Variants in SLC24A3 observed in about 807,000 individuals in gnomAD.
The protein encoded by SLC24A3 is sodium/potassium/calcium exchanger 3.
A neutral mutation model predicts 75.8 loss-of-function variants in SLC24A3; 28 were observed. The observed-to-expected ratio is 0.37, with a 90% CI of 0.27 to 0.51. The LOEUF (loss-of-function observed/expected upper bound fraction) is 0.51. SLC24A3 is among the 20% of genes least tolerant of loss of function. The pLI is 0.94. For synonymous variants in SLC24A3, 372 were observed against 334.1 expected, an observed-to-expected ratio of 1.11 and a Z score of -1.24; for missense variants, 663 against 847.8, an observed-to-expected ratio of 0.78 and a Z score of 2.71.
At chr20:19,687,892 C>T (rs943573610) in intron 12 of SLC24A3, among the ~76,000 whole-genome samples, 1 of 152,172 alleles carries the variant, frequency 6.6e-6, no homozygotes, top group Non-Finnish European at 1.5e-5. Context: ...CTTCCAGCCA[C>T]ACCTTCTGGG....
At chr20:19,352,447 C>T (rs6035304) in intron 2 of SLC24A3, among the ~76,000 whole-genome samples, 1,652 of 152,304 alleles carry the variant, frequency 0.011, 26 homozygotes, top group African/African-American at 0.036. Flanking sequence ...ACATTATTAA[C>T]GGCTGCTGTG....
At chr20:19,253,397 C>T (rs1290402529) in intron 1 of SLC24A3, among the ~76,000 whole-genome samples, 2 of 152,238 alleles carry the variant, frequency 1.3e-5, no homozygotes, top group African/African-American at 2.4e-5. Context: ...CCTTGCCAAG[C>T]GTTACCCCTG....
chr20:19,708,299 C>A (rs1475161243), intron 15 of SLC24A3, among the ~76,000 whole-genome samples: 1 of 152,156 alleles, frequency 6.6e-6, no homozygotes, highest in Non-Finnish European at 1.5e-5. Flanking sequence ...TCCCTGAGGG[C>A]AGAAACTGTA....
chr20:19,550,730 T>C (rs2030679666), intron 3 of SLC24A3, among the ~76,000 whole-genome samples: 1 of 152,186 alleles, frequency 6.6e-6, no homozygotes, highest in African/African-American at 2.4e-5. Flanking sequence ...CCTCTAAGTC[T>C]AGTTGAGAGG....
intron 2 of SLC24A3, among the ~76,000 whole-genome samples, chr20:19,440,936 G>T (rs563957087): frequency 3.5e-4 from 54 of 152,150 alleles, no homozygotes; most frequent in Non-Finnish European, 7.6e-4. Context: ...AGTGACAGGG[G>T]AGTTTAGATG....
intron 12 of SLC24A3, among the ~76,000 whole-genome samples, chr20:19,690,871 A>AT (rs903954885): frequency 9.9e-5 from 15 of 152,056 alleles, no homozygotes; most frequent in East Asian, 1.9e-4. Context: ...TTTTCTTACT[A>AT]TTTTTTTTGT....
intron 3 of SLC24A3, 99 bp downstream of exon 3, chr20:19,515,663 C>A: frequency 1.7e-6 from 2 of 1,199,870 alleles, no homozygotes; most frequent in Non-Finnish European, 2.4e-6. Flanking sequence ...TCTCTCTGCC[C>A]TCCTGTTCCC....
intron 2 of SLC24A3, among the ~76,000 whole-genome samples, chr20:19,514,682 G>A (rs1358709498): frequency 6.6e-6 from 1 of 152,346 alleles, no homozygotes; most frequent in African/African-American, 2.4e-5. Context: ...TGGATTTTAT[G>A]AGAGGAAGGG....
intron 2 of SLC24A3, among the ~76,000 whole-genome samples, chr20:19,485,126 T>G (rs915055596): frequency 6.6e-6 from 1 of 152,192 alleles, no homozygotes. Context: ...TCTGTCAATT[T>G]TTTTTAAATG....
intron 2 of SLC24A3, among the ~76,000 whole-genome samples, chr20:19,495,584 G>C (rs1988273100): frequency 6.6e-6 from 1 of 152,180 alleles, no homozygotes; most frequent in African/African-American, 2.4e-5. Flanking sequence ...TGGCAGTACA[G>C]CTTCCCTCAG....
Position 19,477,461 on chromosome 20 carries a change from G to A in SLC24A3, c.272-38027G>A, listed in dbSNP as rs377072349. On this transcript the variant is annotated intron_variant, in intron 2 of 16. Coordinates refer to ENST00000328041, the MANE Select transcript of SLC24A3 (RefSeq NM_020689.4). ...GGCAAGCTAAGTCCAAAAAAGGTGA[G>A]ATTTTAATAGCAGATAAAGTCATTA... 3.9e-5 allele frequency among the ~76,000 whole-genome samples: 6 copies of A among 152,338 alleles called. No individual in the cohort carries two copies. The East Asian group carries it at 5.8e-4, about 15-fold the overall frequency.
chr20:19,410,808 G>C (rs933840909), intron 2 of SLC24A3, among the ~76,000 whole-genome samples: 4 of 152,122 alleles, frequency 2.6e-5, no homozygotes, highest in Middle Eastern at 3.2e-3. Flanking sequence ...CAATTCATTC[G>C]TTTTCTCTAC....
chr20:19,324,933 A>G (rs368160669), intron 2 of SLC24A3, among the ~76,000 whole-genome samples: 12 of 152,098 alleles, frequency 7.9e-5, no homozygotes, highest in East Asian at 1.9e-4. Context: ...TCACTTTTCA[A>G]TCGTTACCCT....
At chr20:19,323,978 A>G (rs1210404340) in intron 2 of SLC24A3, among the ~76,000 whole-genome samples, 1 of 152,194 alleles carries the variant, frequency 6.6e-6, no homozygotes, top group African/African-American at 2.4e-5. Context: ...TAAGAAGAAT[A>G]CCTGCCTTGC....
rs372487221 is a variant in SLC24A3, at chr20:19,404,305, G to A, written c.272-111183G>A. On this transcript the variant is annotated intron_variant, in intron 2 of 16. Coordinates refer to ENST00000328041, the MANE Select transcript of SLC24A3 (RefSeq NM_020689.4). ...GCTCGTATTTAGACAATGAAATATG[G>A]GCTGGGTAAGCCAATAGCCTTTCTA... Among the ~76,000 whole-genome samples, 9 of 152,170 alleles carry A rather than the reference G, an allele frequency of 5.9e-5. 1 individual carries two copies. The highest frequency in any genetic ancestry group is 2.2e-4 in the African/African-American group (9 of 41,454).
intron 3 of SLC24A3, among the ~76,000 whole-genome samples, chr20:19,521,927 T>A (rs1046786009): frequency 6.6e-6 from 1 of 152,010 alleles, no homozygotes; most frequent in African/African-American, 2.4e-5. Flanking sequence ...AGGGGTATTT[T>A]TTTTTCATGG....
chr20:19,402,182 G>C (rs191825782), intron 2 of SLC24A3, among the ~76,000 whole-genome samples: 1 of 152,184 alleles, frequency 6.6e-6, no homozygotes, highest in Non-Finnish European at 1.5e-5. Flanking sequence ...CTAATCTAAA[G>C]ATTAGACAGA....
In SLC24A3 at chr20:19,554,847, C is replaced by T. The variant is rs537985377; in HGVS notation, c.349-25153C>T. Among the ~76,000 whole-genome samples the T allele has an allele frequency of 1.2e-4, 18 of 152,260 alleles. No homozygotes were observed. The East Asian group carries it at 3.1e-3, about 26-fold the overall frequency. On this transcript the variant is annotated intron_variant, in intron 3 of 16. Coordinates refer to ENST00000328041, the MANE Select transcript of SLC24A3 (RefSeq NM_020689.4). Reference sequence around the variant, plus strand: ...GGAGCAGAAAGCTCAGTGGAGAAGTCAGAGTTTAGCAAGGACTGCAGCCAG... The same window carrying T: ...GGAGCAGAAAGCTCAGTGGAGAAGTTAGAGTTTAGCAAGGACTGCAGCCAG...
At chr20:19,609,943 T>G (rs1312417859) in intron 6 of SLC24A3, among the ~76,000 whole-genome samples, 1 of 131,640 alleles carries the variant, frequency 7.6e-6, no homozygotes, top group East Asian at 2.1e-4. Flanking sequence ...TTCATTCATC[T>G]TAGGTTTAAC....
Sources: gnomAD v4.1 joint callset for allele counts (sites outside exome capture counted in the v4.1 genomes callset) on GRCh38, gnomAD v4.1.1 for gene constraint, MANE v1.5 for transcripts, NCBI Gene and HGNC (gene_info 2026-07-23, HGNC 2026-07-21) for gene names.